Variants in STIMATE observed in about 807,000 individuals in gnomAD.
STIMATE encodes the protein STIM activating enhancer.
STIMATE carries 15 observed loss-of-function variants against 36.7 expected under a neutral mutation model. That is an observed-to-expected ratio of 0.41 (90% CI 0.27 to 0.63). The LOEUF (loss-of-function observed/expected upper bound fraction) is 0.63. Among genes scored for constraint, STIMATE ranks in the 20% least tolerant of loss-of-function variants. The pLI is 0.32. For synonymous variants in STIMATE, 163 were observed against 162.3 expected, an observed-to-expected ratio of 1.00 and a Z score of -0.03; for missense variants, 305 against 397.3, an observed-to-expected ratio of 0.77 and a Z score of 1.98.
At chr3:52,896,575 A>G (rs189169065) in intron 1 of STIMATE, among the ~76,000 whole-genome samples, 1 of 152,284 alleles carries the variant, frequency 6.6e-6, no homozygotes, top group East Asian at 1.9e-4. Flanking sequence ...ATAAAGAATA[A>G]AAGTGGAAAG....
In STIMATE at chr3:52,837,824, T is replaced by C. The variant is rs1010806436; in HGVS notation, c.*2670A>G. 2.0e-5 allele frequency: 3 copies of C among 152,144 alleles called. No individual in the cohort carries two copies. Among genetic ancestry groups the C allele is most frequent in the Non-Finnish European group, 4.4e-5 (3 of 68,036 alleles). 9.4% of individuals were successfully genotyped at this position (152,144 alleles called of 1,614,324 possible). A position where few individuals can be genotyped will look rare whatever the true frequency, so the allele number is the denominator to read the frequency against. ...GAAGAGCTGCACCTCGTAAGGCACC[T>C]TGGAGCAGGTGGAGAGGAAACTCAT... is the stretch of plus-strand genomic sequence containing the variant. On this transcript the variant is annotated 3_prime_UTR_variant, in exon 8 of 8. Coordinates refer to ENST00000355083, the MANE Select transcript of STIMATE (RefSeq NM_198563.5).
At chr3:52,886,699 C>T (rs528771157) in intron 1 of STIMATE, among the ~76,000 whole-genome samples, 2 of 152,324 alleles carry the variant, frequency 1.3e-5, no homozygotes, top group East Asian at 3.9e-4. Context: ...AAATATCTCC[C>T]TGTAAATCAG....
intron 4 of STIMATE, among the ~76,000 whole-genome samples, chr3:52,845,954 TG>T (rs1578800538): frequency 1.4e-4 from 2 of 14,268 alleles, no homozygotes; most frequent in African/African-American, 6.0e-4. Flanking sequence ...GGCGGGAGGC[TG>T]GGGGGTAAAG....
intron 1 of STIMATE, among the ~76,000 whole-genome samples, chr3:52,884,601 T>A (rs1250447829): frequency 6.6e-6 from 1 of 152,232 alleles, no homozygotes; most frequent in Non-Finnish European, 1.5e-5. Flanking sequence ...ACCACTAATC[T>A]GCTTTCTGTC....
rs1382787654 is a variant in STIMATE at position 52,849,838 on chromosome 3, G to A, written c.381C>T (p.Val127=). ...LIYVGVRAVS[V]LVEWQQWESL... ...ACTCCCACTGCTGCCACTCTACCAG[G>A]ACGCTGACGGCGCGCACCCCCACGT... Residue 127 remains valine (V), a synonymous_variant, in exon 4 of 8, where the codon GTC becomes GTT. Transcript: ENST00000355083. 6.2e-7 allele frequency: 1 copy of A among 1,613,628 alleles called. No individual in the cohort carries two copies. The highest frequency in any genetic ancestry group is 1.3e-5 in the African/African-American group (1 of 74,944).
intron 1 of STIMATE, among the ~76,000 whole-genome samples, chr3:52,884,352 TCTCCTGCCTC>T (rs1701658417): frequency 6.6e-6 from 1 of 151,858 alleles, no homozygotes; most frequent in East Asian, 1.9e-4. Flanking sequence ...TTCAAGCGAT[TCTCCTGCCTC>T]AGCCTCCCGA....
At chr3:52,861,810 C>T (rs2106687118) in intron 1 of STIMATE, among the ~76,000 whole-genome samples, 1 of 152,304 alleles carries the variant, frequency 6.6e-6, no homozygotes, top group South Asian at 2.1e-4. Flanking sequence ...CTCCTTTGGC[C>T]ATCCAGGCAG....
At chr3:52,884,907 T>C (rs1452081128) in intron 1 of STIMATE, among the ~76,000 whole-genome samples, 2 of 152,224 alleles carry the variant, frequency 1.3e-5, no homozygotes, top group Non-Finnish European at 2.9e-5. Context: ...GGCCATGTGT[T>C]TTCTGTTCTC....
At chr3:52,889,353 C>A (rs550746030) in intron 1 of STIMATE, among the ~76,000 whole-genome samples, 1 of 152,172 alleles carries the variant, frequency 6.6e-6, no homozygotes, top group African/African-American at 2.4e-5. Flanking sequence ...GCCCACACCT[C>A]GAGAGCTGCA....
intron 1 of STIMATE, among the ~76,000 whole-genome samples, chr3:52,871,072 T>G (rs920186194): frequency 1.3e-5 from 2 of 152,092 alleles, no homozygotes; most frequent in Non-Finnish European, 2.9e-5. Flanking sequence ...CATCGTTGCA[T>G]TAGGAGGCAA....
At chr3:52,855,127 T>G (rs542499346) in intron 2 of STIMATE, among the ~76,000 whole-genome samples, 13 of 152,330 alleles carry the variant, frequency 8.5e-5, no homozygotes, top group African/African-American at 2.9e-4. Context: ...CGGGGACTGA[T>G]GTATTTGTGT....
At chr3:52,886,251 G>A (rs1443504731) in intron 1 of STIMATE, among the ~76,000 whole-genome samples, 2 of 152,198 alleles carry the variant, frequency 1.3e-5, no homozygotes, top group Non-Finnish European at 2.9e-5. Flanking sequence ...AGAGGTCAGC[G>A]AAGCAGCATT....
intron 1 of STIMATE, among the ~76,000 whole-genome samples, chr3:52,895,033 C>A (rs1701843730): frequency 6.6e-6 from 1 of 152,258 alleles, no homozygotes; most frequent in Non-Finnish European, 1.5e-5. Flanking sequence ...TGGCCTTCAA[C>A]AGATGCCCCT....
rs1700968469 is a variant in STIMATE at position 52,849,883 on chromosome 3, A to G, written c.336T>C (p.Thr112=). The G allele has an allele frequency of 5.0e-6, 8 of 1,613,882 alleles. No homozygotes were observed. Among genetic ancestry groups the G allele is most frequent in the Non-Finnish European group, 6.8e-6 (8 of 1,179,974 alleles). Residue 112 remains threonine (T), a synonymous_variant, in exon 4 of 8, where the codon ACT becomes ACC. Coordinates refer to ENST00000355083, the MANE Select transcript of STIMATE (RefSeq NM_198563.5). Reference sequence around the variant, plus strand: ...CCACGTAGATGAGCAGCATGCCCACAGTGGCGTCCAGGAGGAAGTTGATGA... The same window carrying G: ...CCACGTAGATGAGCAGCATGCCCACGGTGGCGTCCAGGAGGAAGTTGATGA... ...LYLINFLLDA[T]VGMLLIYVGV...
chr3:52,888,792 C>T (rs368363331), intron 1 of STIMATE, among the ~76,000 whole-genome samples: 14 of 152,270 alleles, frequency 9.2e-5, no homozygotes, highest in African/African-American at 3.4e-4. Context: ...ACTTATTCTG[C>T]ATACAAGAAA....
Position 52,840,587 on chromosome 3 carries a change from C to T in STIMATE, c.792G>A (p.Glu264=). ...CCTCCTCCACGTCGGACTCCTCCATCTCATCATCCGCTGAGATCAGGATCT... is the reference window on the plus strand; with the variant it reads ...CCTCCTCCACGTCGGACTCCTCCATTTCATCATCCGCTGAGATCAGGATCT... ...ESEILISADD[E]MEESDVEEDL... The change falls in exon 8 of 8, where the codon GAG becomes GAA. Residue 264 remains glutamate, a synonymous_variant. Coordinates refer to ENST00000355083, the MANE Select transcript of STIMATE (RefSeq NM_198563.5). 3 of 1,613,794 alleles carry T rather than the reference C, an allele frequency of 1.9e-6. No individual in the cohort carries two copies.
rs1307965914 is a variant in STIMATE, at chr3:52,836,908, G to T, written c.*3586C>A. ...GTGGGCCATGGTTTTCCTTGCATAG[G>T]TCTGACTTCTAACAAACTTCAGGAA... On this transcript the variant is annotated 3_prime_UTR_variant, in exon 8 of 8. Transcript: ENST00000355083. 2.6e-5 allele frequency: 5 copies of T among 191,490 alleles called. No homozygotes were observed. Among genetic ancestry groups the T allele is most frequent in the Non-Finnish European group, 5.6e-5 (5 of 90,086 alleles). 11.9% of individuals were successfully genotyped at this position (191,490 alleles called of 1,614,324 possible). A position where few individuals can be genotyped will look rare whatever the true frequency, so the allele number is the denominator to read the frequency against.
At chr3:52,877,332 G>A (rs957587018) in intron 1 of STIMATE, among the ~76,000 whole-genome samples, 2 of 152,226 alleles carry the variant, frequency 1.3e-5, no homozygotes, top group African/African-American at 4.8e-5. Context: ...GGGCTGTCAT[G>A]ACCAAGTGGC....
Position 52,856,687 on chromosome 3 carries a change from A to AAAAAG in STIMATE, c.161-1248_161-1244dup, listed in dbSNP as rs550155894. ...CAACAGAGCGAGACTCTACCTCAAA[A>AAAAAG]AAAAGAAAAGAAAAGAAAAGAAAAG... On this transcript the variant is annotated intron_variant, in intron 1 of 7. Coordinates refer to ENST00000355083, the MANE Select transcript of STIMATE (RefSeq NM_198563.5). 7.1e-3 allele frequency among the ~76,000 whole-genome samples: 1,076 copies of AAAAAG among 152,026 alleles called. 110 individuals are homozygous for AAAAAG. The South Asian group carries it at 0.2, about 28-fold the overall frequency.
Sources: gnomAD v4.1 joint callset for allele counts (sites outside exome capture counted in the v4.1 genomes callset) on GRCh38, gnomAD v4.1.1 for gene constraint, MANE v1.5 for transcripts, NCBI Gene and HGNC (gene_info 2026-07-23, HGNC 2026-07-21) for gene names.